The following GPATCH2 variants were observed in gnomAD, a reference collection of about 807,000 sequenced individuals.
The protein encoded by GPATCH2 is G patch domain-containing protein 2.
GPATCH2 carries 51 observed loss-of-function variants against 58.0 expected under a neutral mutation model. The observed-to-expected ratio is 0.88, with a 90% confidence interval of 0.70 to 1.11. GPATCH2 has a LOEUF of 1.11. GPATCH2 is among the 50% of genes most tolerant of loss of function. The probability of loss-of-function intolerance (pLI) is 0.00; values close to 1 mark genes in which losing one functional copy is unlikely to be tolerated. For missense variants in GPATCH2, 625 were observed against 652.2 expected (o/e 0.96, Z 0.45); for synonymous variants, 222 against 218.5 (o/e 1.02, Z -0.14).
intron 5 of GPATCH2, among the ~76,000 whole-genome samples, chr1:217,586,269 G>C (rs1667335770): frequency 6.6e-6 from 1 of 151,968 alleles, no homozygotes; most frequent in Admixed American, 6.6e-5. Context: ...TTTGACTCTT[G>C]TAATAACACT....
intron 5 of GPATCH2, among the ~76,000 whole-genome samples, chr1:217,579,070 T>C (rs1181134776): frequency 6.6e-6 from 1 of 152,208 alleles, no homozygotes; most frequent in Non-Finnish European, 1.5e-5. Flanking sequence ...CCTTGTTAAA[T>C]ATTTCCAATG....
chr1:217,558,685 G>C (rs1315125398), intron 5 of GPATCH2, among the ~76,000 whole-genome samples: 2 of 152,042 alleles, frequency 1.3e-5, no homozygotes, highest in African/African-American at 2.4e-5. Flanking sequence ...GTGGTGGCTC[G>C]CACCTGTAAT....
chr1:217,567,779 C>T (rs943477156), intron 5 of GPATCH2, among the ~76,000 whole-genome samples: 3 of 152,164 alleles, frequency 2.0e-5, no homozygotes, highest in Non-Finnish European at 2.9e-5. Flanking sequence ...ATGCCTTGTG[C>T]GTGTCTCAGA....
At chr1:217,513,825 CTT>C (rs567793120) in intron 6 of GPATCH2, among the ~76,000 whole-genome samples, 11 of 141,910 alleles carry the variant, frequency 7.8e-5, no homozygotes, top group Non-Finnish European at 9.3e-5. Context: ...GAAAACCAGT[CTT>C]TTTTTTTTTT....
At chr1:217,607,149 C>A (rs979909929) in intron 5 of GPATCH2, among the ~76,000 whole-genome samples, 1 of 152,244 alleles carries the variant, frequency 6.6e-6, no homozygotes, top group South Asian at 2.1e-4. Flanking sequence ...AGTCGGCCTG[C>A]CTGCTAAAAT....
At chr1:217,579,342 A>T in intron 5 of GPATCH2, among the ~76,000 whole-genome samples, 1 of 151,980 alleles carries the variant, frequency 6.6e-6, no homozygotes, top group East Asian at 1.9e-4. Context: ...CTAATCAAGA[A>T]AAAAAAGTAG....
At chr1:217,500,129 T>G (rs960790586) in intron 6 of GPATCH2, among the ~76,000 whole-genome samples, 1 of 152,198 alleles carries the variant, frequency 6.6e-6, no homozygotes, top group African/African-American at 2.4e-5. Flanking sequence ...TCTCCTAAAG[T>G]TGATATTTGT....
intron 5 of GPATCH2, among the ~76,000 whole-genome samples, chr1:217,567,674 C>T (rs377729246): frequency 1.1e-4 from 16 of 152,146 alleles, no homozygotes; most frequent in African/African-American, 3.4e-4. Flanking sequence ...CTGGTATAAG[C>T]CTTCTGGCTT....
At chr1:217,604,549 G>A (rs1252664055) in intron 5 of GPATCH2, among the ~76,000 whole-genome samples, 1 of 152,102 alleles carries the variant, frequency 6.6e-6, no homozygotes, top group Non-Finnish European at 1.5e-5. Context: ...GTTCACAGGG[G>A]TTAAAATAAA....
intron 8 of GPATCH2, among the ~76,000 whole-genome samples, chr1:217,471,431 A>G (rs1660717858): frequency 6.6e-6 from 1 of 152,184 alleles, no homozygotes; most frequent in Non-Finnish European, 1.5e-5. Flanking sequence ...ATAGTTTTGT[A>G]TCTGTTGCAA....
intron 1 of GPATCH2, among the ~76,000 whole-genome samples, chr1:217,627,111 TTC>T (rs1034497852): frequency 1.2e-4 from 18 of 152,070 alleles, no homozygotes; most frequent in African/African-American, 4.3e-4. Flanking sequence ...TATCTTCTGA[TTC>T]TGTTTATTCA....
intron 5 of GPATCH2, among the ~76,000 whole-genome samples, chr1:217,535,789 G>A (rs1289555761): frequency 6.6e-6 from 1 of 152,012 alleles, no homozygotes; most frequent in Non-Finnish European, 1.5e-5. Flanking sequence ...ACAACCCCCA[G>A]TGTACTTGGA....
chr1:217,531,871 A>G (rs1664206352), intron 5 of GPATCH2, among the ~76,000 whole-genome samples: 1 of 152,244 alleles, frequency 6.6e-6, no homozygotes, highest in African/African-American at 2.4e-5. Context: ...AAACCATTCT[A>G]GAAGCTACCT....
intron 8 of GPATCH2, among the ~76,000 whole-genome samples, chr1:217,456,300 C>T (rs894040518): frequency 6.6e-6 from 1 of 152,168 alleles, no homozygotes; most frequent in African/African-American, 2.4e-5. Context: ...AAAGTGCTCA[C>T]CCCTGGCTCC....
intron 8 of GPATCH2, among the ~76,000 whole-genome samples, chr1:217,476,487 A>G (rs1007549232): frequency 1.3e-5 from 2 of 152,152 alleles, no homozygotes; most frequent in African/African-American, 2.4e-5. Flanking sequence ...GAGGCAGGAA[A>G]AACAGTCTTG....
chr1:217,493,441 T>A (rs1655403014), intron 7 of GPATCH2, among the ~76,000 whole-genome samples: 1 of 152,102 alleles, frequency 6.6e-6, no homozygotes, highest in Admixed American at 6.5e-5. Context: ...GGCCCTTTGC[T>A]TGGGTTATGC....
intron 5 of GPATCH2, among the ~76,000 whole-genome samples, chr1:217,601,880 T>C (rs749485065): frequency 5.9e-5 from 9 of 152,172 alleles, no homozygotes; most frequent in Non-Finnish European, 4.4e-5. Context: ...AGAGATCGTA[T>C]CTAACTTGTT....
At chr1:217,623,672 C>T (rs189631639) in intron 1 of GPATCH2, among the ~76,000 whole-genome samples, 59 of 152,088 alleles carry the variant, frequency 3.9e-4, no homozygotes, top group Admixed American at 7.2e-4. Context: ...GAGGCTAAGG[C>T]GGGCAGATCA....
intron 3 of GPATCH2, among the ~76,000 whole-genome samples, chr1:217,613,873 C>T (rs1668749839): frequency 6.6e-6 from 1 of 152,076 alleles, no homozygotes; most frequent in African/African-American, 2.4e-5. Flanking sequence ...CAAAAAGGTA[C>T]CTAGAGCTTT....
Sources: allele counts gnomAD v4.1 joint callset (sites outside exome capture counted in the v4.1 genomes callset), GRCh38; gene constraint gnomAD v4.1.1; transcripts MANE v1.5; gene names NCBI Gene and HGNC (gene_info 2026-07-23, HGNC 2026-07-21).